KIF5C: variants seen among roughly 807,000 people sequenced by gnomAD.
The protein encoded by KIF5C is kinesin heavy chain isoform 5C.
Under a neutral mutation model 125.2 loss-of-function variants are expected in KIF5C, and 18 were observed. That is an observed-to-expected ratio of 0.14 (90% CI 0.10 to 0.21). The LOEUF is 0.21. KIF5C is among the 10% of genes least tolerant of loss of function. The pLI, the probability that KIF5C is intolerant of heterozygous loss-of-function variation, is 1.00. For synonymous variants in KIF5C, 405 were observed against 434.0 expected, an observed-to-expected ratio of 0.93 and a Z score of 0.83; for missense variants, 780 against 1,183.8, an observed-to-expected ratio of 0.66 and a Z score of 5.01.
chr2:149,007,786 T>C (rs1337872304), intron 22 of KIF5C, among the ~76,000 whole-genome samples, 177 bp from the exon 23 acceptor site: 5 of 152,158 alleles, frequency 3.3e-5, no homozygotes, highest in Admixed American at 3.3e-4. Flanking sequence ...TCGCTTTTCA[T>C]ACTAATAAGG....
intron 1 of KIF5C, among the ~76,000 whole-genome samples, chr2:148,899,626 C>T (rs976973399): frequency 1.3e-5 from 2 of 149,972 alleles, no homozygotes; most frequent in Non-Finnish European, 2.9e-5. Flanking sequence ...TCGCTTGATT[C>T]CAGAAGGCAG....
chr2:148,930,224 T>A (rs367665388), intron 3 of KIF5C, among the ~76,000 whole-genome samples: 77 of 152,324 alleles, frequency 5.1e-4, no homozygotes, highest in African/African-American at 1.7e-3. Context: ...CTTCAGGGTA[T>A]GACCCCAGCT....
chr2:148,957,190 G>A (rs960235220), intron 10 of KIF5C, among the ~76,000 whole-genome samples: 1 of 152,328 alleles, frequency 6.6e-6, no homozygotes, highest in Admixed American at 6.5e-5. Flanking sequence ...AAATGCACAC[G>A]TGTGGGCCTG....
chr2:148,949,679 A>G (rs995844041), intron 8 of KIF5C, among the ~76,000 whole-genome samples, 160 bp from the exon 9 acceptor site: 3 of 152,164 alleles, frequency 2.0e-5, no homozygotes, highest in Admixed American at 6.5e-5. Context: ...CCCCAGCCTC[A>G]TACACGAAGG....
Position 148,991,484 on chromosome 2 carries a change from C to A in KIF5C, c.1905+286C>A, listed in dbSNP as rs116031577. Among the ~76,000 whole-genome samples the A allele has an allele frequency of 4.2e-3, 638 of 152,134 alleles. 2 individuals carry two copies. Among genetic ancestry groups the A allele is most frequent in the African/African-American group, 0.014 (576 of 41,516 alleles). On this transcript the variant is annotated intron_variant, in intron 16 of 25. Coordinates refer to ENST00000435030, the MANE Select transcript of KIF5C (RefSeq NM_004522.3). ...ATGAATGTAAAAGATTGGGTGGAATCTCTAAAACTCCTGTAAGTAAGGCAA... is the reference window on the plus strand; with the variant it reads ...ATGAATGTAAAAGATTGGGTGGAATATCTAAAACTCCTGTAAGTAAGGCAA...
At chr2:148,936,671 A>C (rs1418225768) in intron 3 of KIF5C, among the ~76,000 whole-genome samples, 1 of 152,252 alleles carries the variant, frequency 6.6e-6, no homozygotes, top group Admixed American at 6.5e-5. Flanking sequence ...AGACGATCTT[A>C]AACATGGATT....
At chr2:148,884,827 T>C (rs549921890) in intron 1 of KIF5C, among the ~76,000 whole-genome samples, 103 of 152,314 alleles carry the variant, frequency 6.8e-4, no homozygotes, top group African/African-American at 2.3e-3. Context: ...CTCATACATG[T>C]TGACCTTGAA....
intron 1 of KIF5C, among the ~76,000 whole-genome samples, chr2:148,903,033 G>A (rs1374536738): frequency 6.6e-6 from 1 of 152,074 alleles, no homozygotes; most frequent in Non-Finnish European, 1.5e-5. Flanking sequence ...CTGCCCTTGA[G>A]CTGTACTTGG....
intron 4 of KIF5C, among the ~76,000 whole-genome samples, chr2:148,937,704 C>CA (rs1467183883): frequency 6.6e-6 from 1 of 152,190 alleles, no homozygotes; most frequent in Non-Finnish European, 1.5e-5. Flanking sequence ...CAGCATTTTC[C>CA]AAAGTGTGTT....
rs1446112553 is a variant in KIF5C at position 148,875,517 on chromosome 2, G to A, written c.-101G>A. 4 of 974,030 alleles carry A rather than the reference G, an allele frequency of 4.1e-6. No individual in the cohort carries two copies. Among genetic ancestry groups the A allele is most frequent in the Non-Finnish European group, 6.2e-6 (4 of 640,416 alleles). The allele number at this position is 974,030 out of a possible 1,614,324, so 60.3% of individuals were successfully genotyped here. On this transcript the variant is annotated 5_prime_UTR_variant, in exon 1 of 26. Transcript: ENST00000435030. ...GAAGCGTCGTCGGAGGCTGCAGGAGGCGGCCTAGCTGTGGGCGGTGCAGCT... is the reference window on the plus strand; with the variant it reads ...GAAGCGTCGTCGGAGGCTGCAGGAGACGGCCTAGCTGTGGGCGGTGCAGCT...
chr2:148,959,997 A>G (rs1219795272), intron 10 of KIF5C, among the ~76,000 whole-genome samples: 1 of 152,210 alleles, frequency 6.6e-6, no homozygotes, highest in Non-Finnish European at 1.5e-5. Flanking sequence ...TGTGGGTACC[A>G]CATTAACCCT....
intron 1 of KIF5C, among the ~76,000 whole-genome samples, chr2:148,908,466 A>G (rs188400024): frequency 2.0e-3 from 311 of 152,356 alleles, no homozygotes; most frequent in Non-Finnish European, 3.8e-3. Flanking sequence ...TGTTATTTCT[A>G]ACCCTTTGGT....
chr2:148,966,602 G>A (rs1483743836), intron 11 of KIF5C, among the ~76,000 whole-genome samples: 1 of 152,022 alleles, frequency 6.6e-6, no homozygotes, highest in Non-Finnish European at 1.5e-5. Flanking sequence ...GGTTGCTCTC[G>A]CCCTCCCCCA....
At chr2:148,895,612 T>C (rs1681818351) in intron 1 of KIF5C, among the ~76,000 whole-genome samples, 1 of 152,308 alleles carries the variant, frequency 6.6e-6, no homozygotes, top group South Asian at 2.1e-4. Flanking sequence ...TCAAAAAACA[T>C]AGCTTACGTA....
chr2:149,010,475 C>T (rs1394565602), intron 24 of KIF5C, 124 bp downstream of exon 24: 35 of 1,430,624 alleles, frequency 2.4e-5, no homozygotes, highest in Admixed American at 8.5e-5. Context: ...GGTTGGAGCC[C>T]GCAGGACGCA....
At chr2:148,921,179 A>T (rs60572562) in intron 1 of KIF5C, among the ~76,000 whole-genome samples, 1 of 152,080 alleles carries the variant, frequency 6.6e-6, no homozygotes, top group Admixed American at 6.5e-5. Context: ...GCGTCAGGGC[A>T]CATATAATGC....
chr2:148,912,976 C>T (rs779870604), intron 1 of KIF5C, among the ~76,000 whole-genome samples: 7 of 152,150 alleles, frequency 4.6e-5, no homozygotes, highest in Non-Finnish European at 8.8e-5. Flanking sequence ...TGCTAGTGCA[C>T]TATGTTTGAA....
rs565980250 is a variant in KIF5C at position 148,942,595 on chromosome 2, A to G, written c.502-78A>G. On this transcript the variant is annotated intron_variant, in intron 6 of 25. Transcript: ENST00000435030. ...TTATCTGCACCTCTAGAAGATAAAC[A>G]GGAAAATGTTTCAGCCTTTCAAAAT... The G allele has an allele frequency of 4.5e-5, 70 of 1,543,358 alleles. 1 individual carries two copies. The South Asian group carries it at 7.5e-4, about 17-fold the overall frequency.
At chr2:148,909,045 C>T (rs1196506168) in intron 1 of KIF5C, among the ~76,000 whole-genome samples, 1 of 152,192 alleles carries the variant, frequency 6.6e-6, no homozygotes, top group Non-Finnish European at 1.5e-5. Flanking sequence ...GCTTCTTTGC[C>T]TCCCAGGCAC....
Sources: allele counts gnomAD v4.1 joint callset (sites outside exome capture counted in the v4.1 genomes callset), GRCh38; gene constraint gnomAD v4.1.1; transcripts MANE v1.5; gene names NCBI Gene and HGNC (gene_info 2026-07-23, HGNC 2026-07-21).